The following ANKS1B variants were observed in gnomAD, a reference collection of about 807,000 sequenced individuals.
ANKS1B encodes the protein ankyrin repeat and sterile alpha motif domain containing 1B, also known as ankyrin repeat and sterile alpha motif domain-containing protein 1B.
A neutral mutation model predicts 148.3 loss-of-function variants in ANKS1B; 36 were observed. That is an observed-to-expected ratio of 0.24 (90% CI 0.19 to 0.32). The LOEUF is 0.32. ANKS1B is among the 10% of genes least tolerant of loss of function. The pLI is 1.00. For synonymous variants in ANKS1B, 542 were observed against 560.8 expected, an observed-to-expected ratio of 0.97 and a Z score of 0.47; for missense variants, 1,157 against 1,542.6, an observed-to-expected ratio of 0.75 and a Z score of 4.19.
chr12:99,795,521 T>C (rs576459237), intron 4 of ANKS1B, among the ~76,000 whole-genome samples: 1 of 151,992 alleles, frequency 6.6e-6, no homozygotes, highest in South Asian at 2.1e-4. Flanking sequence ...AGGATATAAT[T>C]CAGAAAAGGA....
At chr12:99,828,158 A>G (rs1032944268) in intron 1 of ANKS1B, among the ~76,000 whole-genome samples, 2 of 152,208 alleles carry the variant, frequency 1.3e-5, no homozygotes, top group Non-Finnish European at 2.9e-5. Flanking sequence ...GAAAATCTAA[A>G]TCAATTAGAT....
At chr12:99,544,483 C>G (rs1466460998) in intron 9 of ANKS1B, among the ~76,000 whole-genome samples, 1 of 152,114 alleles carries the variant, frequency 6.6e-6, no homozygotes, top group Non-Finnish European at 1.5e-5. Context: ...TAATATGTTT[C>G]TCAAAAGTTT....
At chr12:99,339,129 A>G (rs1417983702) in intron 12 of ANKS1B, among the ~76,000 whole-genome samples, 2 of 152,174 alleles carry the variant, frequency 1.3e-5, no homozygotes, top group African/African-American at 4.8e-5. Context: ...GGCATAGACC[A>G]TCTTTCAAGT....
chr12:99,060,264 T>G (rs924024547), intron 16 of ANKS1B, among the ~76,000 whole-genome samples: 1 of 152,090 alleles, frequency 6.6e-6, no homozygotes, highest in South Asian at 2.1e-4. Flanking sequence ...CCAGGAGTTT[T>G]TTAGAGCATA....
chr12:99,710,552 C>T (rs557270456), intron 8 of ANKS1B, among the ~76,000 whole-genome samples: 2 of 152,192 alleles, frequency 1.3e-5, no homozygotes, highest in African/African-American at 4.8e-5. Context: ...TGTCATGAAA[C>T]GAAGGACTGA....
intron 10 of ANKS1B, among the ~76,000 whole-genome samples, chr12:99,482,282 G>A (rs1281858169): frequency 6.6e-6 from 1 of 151,942 alleles, no homozygotes; most frequent in Non-Finnish European, 1.5e-5. Context: ...TTATTAAATA[G>A]GGTGTCCATT....
At chr12:99,603,639 A>G (rs143462699) in intron 9 of ANKS1B, among the ~76,000 whole-genome samples, 2 of 152,242 alleles carry the variant, frequency 1.3e-5, no homozygotes, top group East Asian at 3.9e-4. Flanking sequence ...GAATCCTTAC[A>G]AATAGTTTCT....
intron 1 of ANKS1B, among the ~76,000 whole-genome samples, chr12:99,867,157 A>G (rs1476859677): frequency 1.3e-5 from 2 of 152,180 alleles, no homozygotes; most frequent in African/African-American, 4.8e-5. Context: ...GTAGACTATA[A>G]AATGTTATAT....
chr12:99,750,426 C>A (rs1288196706), intron 8 of ANKS1B, among the ~76,000 whole-genome samples: 3 of 151,982 alleles, frequency 2.0e-5, no homozygotes, highest in Non-Finnish European at 4.4e-5. Context: ...CTACCTATAA[C>A]TATAGGAAAA....
intron 17 of ANKS1B, among the ~76,000 whole-genome samples, chr12:98,864,799 T>A (rs186143929): frequency 3.7e-4 from 56 of 152,326 alleles, no homozygotes; most frequent in Middle Eastern, 3.4e-3. Flanking sequence ...CCTCTTTCCA[T>A]CCCTTCAACA....
chr12:99,533,589 G>T (rs915349216), intron 9 of ANKS1B, among the ~76,000 whole-genome samples: 14 of 152,180 alleles, frequency 9.2e-5, no homozygotes, highest in African/African-American at 3.4e-4. Context: ...AGTGATGAAA[G>T]TGGGCATCCT....
rs1304050589 is a variant in ANKS1B at position 98,807,937 on chromosome 12, T to C, written c.3067-19A>G. The C allele has an allele frequency of 6.3e-7, 1 of 1,597,100 alleles. No homozygotes were observed. The highest frequency in any genetic ancestry group is 8.6e-7 in the Non-Finnish European group (1 of 1,167,154). ...ACGACTGCTGATATAAACAGAAAACTATCTTATCTTGTCAATATTTAAAAC... is the reference window on the plus strand; with the variant it reads ...ACGACTGCTGATATAAACAGAAAACCATCTTATCTTGTCAATATTTAAAAC... On this transcript the variant is annotated intron_variant, in intron 19 of 26. Transcript: ENST00000683438.
At chr12:99,718,435 C>T (rs1187572563) in intron 8 of ANKS1B, among the ~76,000 whole-genome samples, 2 of 152,142 alleles carry the variant, frequency 1.3e-5, no homozygotes, top group East Asian at 1.9e-4. Flanking sequence ...TGATCATGCA[C>T]CCCTCACCAT....
chr12:99,616,122 T>A (rs1004593225), intron 9 of ANKS1B, among the ~76,000 whole-genome samples: 5 of 152,098 alleles, frequency 3.3e-5, no homozygotes, highest in African/African-American at 1.2e-4. Flanking sequence ...TAAAAACCAC[T>A]GCTAAAGGAA....
chr12:99,480,066 A>G lies in ANKS1B; in HGVS notation c.1438+24410T>C, dbSNP rs146233566. Among the ~76,000 whole-genome samples the G allele has an allele frequency of 4.5e-3, 686 of 151,964 alleles. 7 individuals carry two copies. The highest frequency in any genetic ancestry group is 0.014 in the African/African-American group (594 of 41,528). ...TTAAAAATGAAAAATTTAAAAAAAT[A>G]CATAGATGACTAGGACATAGAGTAT... is the stretch of plus-strand genomic sequence containing the variant. On this transcript the variant is annotated intron_variant, in intron 10 of 26. Coordinates refer to ENST00000683438, the MANE Select transcript of ANKS1B (RefSeq NM_001352186.2).
chr12:98,915,366 T>C (rs1286906661), intron 17 of ANKS1B, among the ~76,000 whole-genome samples: 1 of 151,832 alleles, frequency 6.6e-6, no homozygotes, highest in Non-Finnish European at 1.5e-5. Flanking sequence ...ACAGAATTTT[T>C]TTTTAGACAG....
chr12:99,859,703 G>A (rs1363659512), intron 1 of ANKS1B, among the ~76,000 whole-genome samples: 1 of 151,704 alleles, frequency 6.6e-6, no homozygotes, highest in Non-Finnish European at 1.5e-5. Flanking sequence ...CTGGAGTGCA[G>A]TGGCACAATC....
intron 15 of ANKS1B, among the ~76,000 whole-genome samples, chr12:99,150,795 A>C (rs1216684702): frequency 6.6e-6 from 1 of 152,090 alleles, no homozygotes; most frequent in Non-Finnish European, 1.5e-5. Context: ...GAAATGTCAG[A>C]AGGCATGGCA....
rs919788419 is a variant in ANKS1B at position 98,745,494 on chromosome 12, G to C, written c.*245C>G. On this transcript the variant is annotated 3_prime_UTR_variant, in exon 27 of 27. Transcript: ENST00000683438. The stretch of plus-strand genomic sequence containing the variant: ...GGGAGGTGGTGGGGAGGGGAGTCGG[G>C]AGCATCAGGGAAAACCCATCTCAAC... 80 of 1,187,796 alleles carry C rather than the reference G, an allele frequency of 6.7e-5. No individual in the cohort carries two copies. The highest frequency in any genetic ancestry group is 8.0e-5 in the Non-Finnish European group (77 of 956,924). 73.6% of individuals were successfully genotyped at this position (1,187,796 alleles called of 1,614,324 possible). A position where few individuals can be genotyped will look rare whatever the true frequency, so the allele number is the denominator to read the frequency against.
Sources: gnomAD v4.1 joint callset for allele counts (sites outside exome capture counted in the v4.1 genomes callset) on GRCh38, gnomAD v4.1.1 for gene constraint, MANE v1.5 for transcripts, NCBI Gene and HGNC (gene_info 2026-07-23, HGNC 2026-07-21) for gene names.